The following FCHO2 variants were observed in gnomAD, a reference collection of about 807,000 sequenced individuals.
The protein encoded by FCHO2 is FCH and mu domain containing endocytic adaptor 2, also known as F-BAR domain only protein 2.
Under a neutral mutation model 114.1 loss-of-function variants are expected in FCHO2, and 43 were observed. The ratio of observed to expected loss-of-function variants is 0.38; its 90% CI spans 0.30 to 0.49. The LOEUF (loss-of-function observed/expected upper bound fraction) is 0.49. Among genes scored for constraint, FCHO2 ranks in the 20% least tolerant of loss-of-function variants. The pLI is 0.97. For synonymous variants in FCHO2, 293 were observed against 315.2 expected, an observed-to-expected ratio of 0.93 and a Z score of 0.75; for missense variants, 807 against 950.4, an observed-to-expected ratio of 0.85 and a Z score of 1.98.
intron 1 of FCHO2, among the ~76,000 whole-genome samples, chr5:72,965,376 C>A (rs1752144760): frequency 6.6e-6 from 1 of 151,982 alleles, no homozygotes; most frequent in Admixed American, 6.6e-5. Context: ...AATGTATATA[C>A]CTTAATTAAA....
chr5:72,993,648 T>C (rs1753924042), intron 5 of FCHO2, among the ~76,000 whole-genome samples: 1 of 152,208 alleles, frequency 6.6e-6, no homozygotes, highest in South Asian at 2.1e-4. Flanking sequence ...ATAGCTTTTA[T>C]GGTGTAGTTG....
At chr5:73,010,027 T>C (rs561820218) in intron 6 of FCHO2, among the ~76,000 whole-genome samples, 6 of 152,354 alleles carry the variant, frequency 3.9e-5, no homozygotes, top group African/African-American at 1.4e-4. Flanking sequence ...TTAATTATTG[T>C]TTCTTCATAG....
chr5:72,962,405 T>G (rs1217589316), intron 1 of FCHO2, among the ~76,000 whole-genome samples: 8 of 152,194 alleles, frequency 5.3e-5, no homozygotes, highest in African/African-American at 1.7e-4. Flanking sequence ...CACATGTGGC[T>G]AATATAAGCC....
Position 73,031,674 on chromosome 5 carries a change from A to G in FCHO2, c.797-2983A>G, listed in dbSNP as rs183598145. Among the ~76,000 whole-genome samples the G allele has an allele frequency of 2.1e-3, 318 of 152,312 alleles. 1 individual carries two copies. In the Middle Eastern group the frequency reaches 0.034, roughly 16 times the overall value. The stretch of plus-strand genomic sequence containing the variant: ...TTTATTCCTACCTGATGATTAAAGC[A>G]TCATATTTAAGAATTGTTTTGCTTT... On this transcript the variant is annotated intron_variant, in intron 8 of 25. Transcript: ENST00000430046.
chr5:73,066,834 T>C (rs1442469937), intron 18 of FCHO2, among the ~76,000 whole-genome samples: 1 of 152,000 alleles, frequency 6.6e-6, no homozygotes, highest in African/African-American at 2.4e-5. Flanking sequence ...AGCAACTGTG[T>C]ATTATTAACA....
intron 5 of FCHO2, chr5:72,997,161 C>T: frequency 9.0e-7 from 1 of 1,112,494 alleles, no homozygotes; most frequent in Non-Finnish European, 1.4e-6. Context: ...CTGAGGCTCA[C>T]AGTCTGGCCT....
rs140354069 is a variant in FCHO2 at position 72,989,339 on chromosome 5, G to C, written c.126-88G>C. The C allele has an allele frequency of 1.6e-3, 1,459 of 930,330 alleles. 9 individuals are homozygous for C. The African/African-American group carries it at 0.021, about 13-fold the overall frequency. The allele number at this position is 930,330 out of a possible 1,614,324, so 57.6% of individuals were successfully genotyped here. ...CATGTAATTTTTGAGGTATCTTTTTGTTTTGCACTTTTAATTGTATTTTGA... is the reference window on the plus strand; with the variant it reads ...CATGTAATTTTTGAGGTATCTTTTTCTTTTGCACTTTTAATTGTATTTTGA... On this transcript the variant is annotated intron_variant, in intron 2 of 25. Coordinates refer to ENST00000430046, the MANE Select transcript of FCHO2 (RefSeq NM_138782.3).
At chr5:73,030,153 T>C (rs1018334434) in intron 8 of FCHO2, among the ~76,000 whole-genome samples, 3 of 151,842 alleles carry the variant, frequency 2.0e-5, no homozygotes, top group Non-Finnish European at 4.4e-5. Flanking sequence ...GTGATTGTCC[T>C]GCCTCAGCCT....
chr5:72,998,956 G>A (rs981559244), intron 5 of FCHO2, among the ~76,000 whole-genome samples: 12 of 151,306 alleles, frequency 7.9e-5, no homozygotes, highest in South Asian at 2.1e-4. Context: ...TCAGCCTCTC[G>A]AATAGCTGGG....
At chr5:72,968,399 C>A in intron 1 of FCHO2, 99 bp from the exon 2 acceptor site, 1 of 754,552 alleles carries the variant, frequency 1.3e-6, no homozygotes, top group Non-Finnish European at 2.0e-6. Flanking sequence ...AACACCTCAC[C>A]TGAGCACAGG....
At chr5:72,978,972 G>A (rs915173864) in intron 2 of FCHO2, among the ~76,000 whole-genome samples, 1 of 148,032 alleles carries the variant, frequency 6.8e-6, no homozygotes, top group African/African-American at 2.5e-5. Flanking sequence ...GTTGATAGTG[G>A]TGGATAAGCT....
intron 24 of FCHO2, among the ~76,000 whole-genome samples, chr5:73,083,581 C>T (rs1164948403): frequency 1.3e-5 from 2 of 152,164 alleles, no homozygotes; most frequent in Admixed American, 6.5e-5. Context: ...ATCATGTAGA[C>T]GCTTCCAGGC....
At chr5:73,022,080 A>G (rs947419536) in intron 8 of FCHO2, among the ~76,000 whole-genome samples, 2 of 152,194 alleles carry the variant, frequency 1.3e-5, no homozygotes, top group Non-Finnish European at 2.9e-5. Context: ...TGGATCACAA[A>G]TCAAGTCACA....
rs1711855617 is a variant in FCHO2 at position 73,071,909 on chromosome 5, T to A, written c.1580-2833T>A. Among the ~76,000 whole-genome samples, 5 of 152,166 alleles carry A rather than the reference T, an allele frequency of 3.3e-5. No individual in the cohort carries two copies. In the South Asian group the frequency reaches 1.0e-3, roughly 32 times the overall value. ...ACAGAGTCGTGTTATGTGCCCAGAT[T>A]AGATTGTTGAAAAGAATATTTATGC... is the stretch of plus-strand genomic sequence containing the variant. On this transcript the variant is annotated intron_variant, in intron 19 of 25. Transcript: ENST00000430046.
intron 16 of FCHO2, 144 bp downstream of exon 16, chr5:73,056,251 A>C: frequency 1.6e-6 from 1 of 628,006 alleles, no homozygotes; most frequent in South Asian, 2.3e-5. Flanking sequence ...CTCACAGTCA[A>C]ATTCTCTCAC....
chr5:73,020,882 G>A (rs1580116851), intron 8 of FCHO2: 1 of 1,100,568 alleles, frequency 9.1e-7, no homozygotes, highest in Non-Finnish European at 1.4e-6. Flanking sequence ...ACCTGTATCA[G>A]CTCACCACGG....
chr5:72,975,256 T>C (rs1202086391), intron 2 of FCHO2, among the ~76,000 whole-genome samples: 2 of 152,162 alleles, frequency 1.3e-5, no homozygotes, highest in Non-Finnish European at 1.5e-5. Flanking sequence ...CCTGGAACAA[T>C]AGGATAATCA....
At chr5:73,066,496 T>C (rs1053650537) in intron 18 of FCHO2, among the ~76,000 whole-genome samples, 1 of 151,952 alleles carries the variant, frequency 6.6e-6, no homozygotes, top group African/African-American at 2.4e-5. Flanking sequence ...TTAAGACTCT[T>C]GATGATTATT....
intron 2 of FCHO2, among the ~76,000 whole-genome samples, chr5:72,972,587 T>G (rs1580013520): frequency 6.6e-6 from 1 of 152,182 alleles, no homozygotes. Context: ...CTTATCAGCT[T>G]GAGGAGATTT....
Sources: gnomAD v4.1 joint callset for allele counts (sites outside exome capture counted in the v4.1 genomes callset) on GRCh38, gnomAD v4.1.1 for gene constraint, MANE v1.5 for transcripts, NCBI Gene and HGNC (gene_info 2026-07-23, HGNC 2026-07-21) for gene names.